The following CORO1C variants were observed in gnomAD, a reference collection of about 807,000 sequenced individuals.
The protein encoded by CORO1C is coronin-1C.
CORO1C carries 14 observed loss-of-function variants against 51.2 expected under a neutral mutation model. That is an observed-to-expected ratio of 0.27 (90% confidence interval 0.18 to 0.43). The LOEUF (loss-of-function observed/expected upper bound fraction) is 0.43, where lower values mean the gene tolerates loss of function less well. Ranked by LOEUF, CORO1C falls within the 20% of genes least tolerant of loss-of-function variation. The pLI is 1.00. For synonymous variants in CORO1C, 181 were observed against 210.5 expected (o/e 0.86, Z 1.21); for missense variants, 417 against 607.8 (o/e 0.69, Z 3.30).
intron 1 of CORO1C, among the ~76,000 whole-genome samples, chr12:108,729,945 T>A (rs1367039706): frequency 6.6e-6 from 1 of 152,226 alleles, no homozygotes; most frequent in Non-Finnish European, 1.5e-5. Context: ...TGCATTATTA[T>A]ATAGAGTGAC....
At chr12:108,693,964 C>T (rs543308842) in intron 2 of CORO1C, among the ~76,000 whole-genome samples, 1 of 152,306 alleles carries the variant, frequency 6.6e-6, no homozygotes, top group Admixed American at 6.5e-5. Context: ...AAAGCACCCC[C>T]CTGGAGAGAT....
At chr12:108,716,024 G>A (rs754151240) in intron 1 of CORO1C, among the ~76,000 whole-genome samples, 9 of 150,258 alleles carry the variant, frequency 6.0e-5, no homozygotes, top group Admixed American at 1.3e-4. Flanking sequence ...CCAGCTACTC[G>A]GGAGGCTGAG....
In CORO1C at chr12:108,726,838, C is replaced by A. The variant is rs541143538; in HGVS notation, c.-6+4591G>T. 3.3e-5 allele frequency among the ~76,000 whole-genome samples: 5 copies of A among 152,162 alleles called. No homozygotes were observed. The East Asian group carries it at 7.7e-4, about 24-fold the overall frequency. ...CATCTACCCTACTGAGGAGACTGTG[C>A]GCCAGTCATTACTGTTCATCGGGGG... On this transcript the variant is annotated intron_variant, in intron 1 of 10. Coordinates refer to ENST00000261401, the MANE Select transcript of CORO1C (RefSeq NM_014325.4).
At chr12:108,688,543 A>T (rs535653863) in intron 2 of CORO1C, among the ~76,000 whole-genome samples, 1 of 152,330 alleles carries the variant, frequency 6.6e-6, no homozygotes, top group East Asian at 1.9e-4. Context: ...TGTAAGAATG[A>T]TTCCTCACAT....
intron 2 of CORO1C, among the ~76,000 whole-genome samples, chr12:108,680,536 T>C (rs2034089171): frequency 6.6e-6 from 1 of 152,148 alleles, no homozygotes; most frequent in Non-Finnish European, 1.5e-5. Context: ...GTAGTCATGG[T>C]TCTGCCATCT....
At chr12:108,649,949 A>G (rs2032564938) in intron 8 of CORO1C, among the ~76,000 whole-genome samples, 1 of 152,088 alleles carries the variant, frequency 6.6e-6, no homozygotes, top group African/African-American at 2.4e-5. Flanking sequence ...AATATGCAAA[A>G]CCATTTCTCC....
Position 108,678,267 on chromosome 12 carries a change from C to A in CORO1C, c.318+5G>T. On this transcript the variant is annotated splice_donor_5th_base_variant and intron_variant, in intron 3 of 10. Transcript: ENST00000261401. Reference sequence around the variant, plus strand: ...CTGTGTGCACACAACACCCTGGGAGCTTACCATGACCGTGCAGTCCTCTGA... The same window carrying A: ...CTGTGTGCACACAACACCCTGGGAGATTACCATGACCGTGCAGTCCTCTGA... 6.2e-7 allele frequency: 1 copy of A among 1,607,932 alleles called. No individual in the cohort carries two copies. Among genetic ancestry groups the A allele is most frequent in the Non-Finnish European group, 8.5e-7 (1 of 1,176,862 alleles).
intron 3 of CORO1C, among the ~76,000 whole-genome samples, chr12:108,671,228 C>T (rs921111750): frequency 3.3e-5 from 5 of 151,580 alleles, no homozygotes; most frequent in African/African-American, 1.2e-4. Flanking sequence ...TGCAGCTACT[C>T]GGAAGGTTGA....
intron 8 of CORO1C, 126 bp downstream of exon 8, chr12:108,652,146 A>G: frequency 1.3e-6 from 1 of 757,140 alleles, no homozygotes; most frequent in South Asian, 1.9e-5. Flanking sequence ...AATGTGTACA[A>G]TTCTACTACT....
chr12:108,717,052 G>T (rs961216917), intron 1 of CORO1C, among the ~76,000 whole-genome samples: 7 of 152,220 alleles, frequency 4.6e-5, no homozygotes, highest in African/African-American at 1.7e-4. Flanking sequence ...TGCCGCTGTG[G>T]CAAGTGCTGG....
chr12:108,690,628 A>G (rs2034462666), intron 2 of CORO1C, among the ~76,000 whole-genome samples: 1 of 152,252 alleles, frequency 6.6e-6, no homozygotes, highest in Admixed American at 6.5e-5. Flanking sequence ...CAAATATGCG[A>G]TAGCAACCAG....
rs1322175008 is a variant in CORO1C at position 108,648,758 on chromosome 12, G to T, written c.1152C>A (p.Asp384Glu). 5 of 1,614,086 alleles carry T rather than the reference G, an allele frequency of 3.1e-6. No individual in the cohort carries two copies. In the African/African-American group the frequency reaches 6.7e-5, roughly 22 times the overall value. The change falls in exon 10 of 11, where the codon GAC becomes GAA. Residue 384 changes from aspartate (D) to glutamate (E), a missense_variant. By Grantham distance (45) the Asp-to-Glu change is conservative. Transcript: ENST00000261401. ...AEEWFEGKNA[D>E]PILISLKHGY... ...CGTGCTTCAAGGAGATGAGGATTGG[G>T]TCTGCATTCTTGCCTTCGAACCACT...
chr12:108,701,212 C>G lies in CORO1C; in HGVS notation c.107G>C (p.Ser36Thr), dbSNP rs750188850. The change falls in exon 2 of 11, where the codon AGT becomes ACT. Residue 36 changes from serine (S) to threonine (T), a missense_variant. Coordinates refer to ENST00000261401, the MANE Select transcript of CORO1C (RefSeq NM_014325.4). ...TCTGGGATTGACAGCACAAAAGGAA[C>G]TATCCCAGGTCACACGAGAAACCCG... ...DIRVSRVTWD[S>T]SFCAVNPRFV... 1 of 1,614,198 alleles carries G rather than the reference C, an allele frequency of 6.2e-7. No individual in the cohort carries two copies.
Position 108,658,737 on chromosome 12 carries a change from C to T in CORO1C, c.630+1G>A. 8.1e-6 allele frequency: 13 copies of T among 1,606,566 alleles called. No homozygotes were observed. Among genetic ancestry groups the T allele is most frequent in the Non-Finnish European group, 1.1e-5 (13 of 1,173,432 alleles). ...TGAGTTTTCATCCTAGGAATACTCA[C>T]AGCAACAATCTCTTGTTTCCTGGGA... On this transcript the variant is annotated splice_donor_variant, in intron 5 of 10. Coordinates refer to ENST00000261401, the MANE Select transcript of CORO1C (RefSeq NM_014325.4). LOFTEE classifies it high-confidence loss of function. This position sits in a 1 kb window ranked among gnomAD's most constrained non-coding sequence, Gnocchi z 4.9.
At chr12:108,694,550 T>C (rs1177526921) in intron 2 of CORO1C, among the ~76,000 whole-genome samples, 1 of 152,210 alleles carries the variant, frequency 6.6e-6, no homozygotes, top group Non-Finnish European at 1.5e-5. Context: ...ACATCACTTT[T>C]AGTCCCATCA....
intron 1 of CORO1C, among the ~76,000 whole-genome samples, chr12:108,708,187 G>C (rs542850734): frequency 6.6e-6 from 1 of 152,238 alleles, no homozygotes; most frequent in Non-Finnish European, 1.5e-5. Flanking sequence ...GAGTCTTCAT[G>C]GAAGCATTAT....
chr12:108,675,584 C>T (rs1291383593), intron 3 of CORO1C, among the ~76,000 whole-genome samples: 1 of 152,180 alleles, frequency 6.6e-6, no homozygotes, highest in Non-Finnish European at 1.5e-5. Flanking sequence ...AAGAATCAAG[C>T]ACTTATCCTG....
At chr12:108,682,691 C>T (rs2034165465) in intron 2 of CORO1C, among the ~76,000 whole-genome samples, 1 of 152,018 alleles carries the variant, frequency 6.6e-6, no homozygotes, top group Non-Finnish European at 1.5e-5. Context: ...ATATATATAA[C>T]CTTGTACCTA....
At chr12:108,698,430 C>T (rs193149067) in intron 2 of CORO1C, among the ~76,000 whole-genome samples, 24 of 152,286 alleles carry the variant, frequency 1.6e-4, no homozygotes, top group Admixed American at 2.6e-4. Context: ...CTTTTTGAGA[C>T]GGAGTCTCAC....
Sources: gnomAD v4.1 joint callset for allele counts (sites outside exome capture counted in the v4.1 genomes callset) on GRCh38, gnomAD v4.1.1 for gene constraint, Gnocchi (gnomAD v3.1) non-coding constraint, MANE v1.5 for transcripts, NCBI Gene and HGNC (gene_info 2026-07-23, HGNC 2026-07-21) for gene names.